Variants in KYAT1 observed in about 807,000 individuals in gnomAD.
KYAT1 encodes kynurenine aminotransferase 1, also known as kynurenine--oxoglutarate transaminase 1.
Under a neutral mutation model 52.4 loss-of-function variants are expected in KYAT1, and 47 were observed. The ratio of observed to expected loss-of-function variants is 0.90; its 90% CI spans 0.71 to 1.14. KYAT1 has a LOEUF of 1.14. KYAT1 is among the 50% of genes most tolerant of loss of function. The pLI is 0.00. For missense variants in KYAT1, 480 were observed against 557.9 expected (o/e 0.86, Z 1.41); for synonymous variants, 212 against 209.6 (o/e 1.01, Z -0.10).
chr9:128,844,598 G>A (rs192200510), intron 2 of KYAT1, among the ~76,000 whole-genome samples: 4 of 152,240 alleles, frequency 2.6e-5, no homozygotes, highest in African/African-American at 9.6e-5. Context: ...GCTGAGGCAG[G>A]AGAATTGCTT....
At chr9:128,874,604 C>G (rs1377204920) in intron 1 of KYAT1, among the ~76,000 whole-genome samples, 1 of 151,930 alleles carries the variant, frequency 6.6e-6, no homozygotes, top group Non-Finnish European at 1.5e-5. Context: ...AGCCACTGCA[C>G]CTGACATCTT....
At chr9:128,865,324 TATATATATA>T (rs1836081392) in intron 1 of KYAT1, among the ~76,000 whole-genome samples, 2 of 16,454 alleles carry the variant, frequency 1.2e-4, no homozygotes, top group Non-Finnish European at 1.6e-4. Context: ...TATATATATA[TATATATATA>T]TATATATATA....
intron 1 of KYAT1, among the ~76,000 whole-genome samples, chr9:128,869,279 A>T (rs1421161958): frequency 6.6e-6 from 1 of 151,976 alleles, no homozygotes. Context: ...CTCCTGCCTC[A>T]GCCTCCTGCA....
chr9:128,835,291 A>T, intron 11 of KYAT1, 32 bp downstream of exon 11: 1 of 1,589,412 alleles, frequency 6.3e-7, no homozygotes, highest in Non-Finnish European at 8.6e-7. Flanking sequence ...CTGTGAAACC[A>T]TACATGGCTG....
intron 2 of KYAT1, among the ~76,000 whole-genome samples, chr9:128,844,254 C>G (rs766869699): frequency 1.3e-5 from 2 of 152,124 alleles, no homozygotes; most frequent in Admixed American, 6.6e-5. Flanking sequence ...TAAAATGTGT[C>G]ATTTTTGGCT....
At position 128,865,338 on chromosome 9, in the gene KYAT1, TATATATATATATATATATA is replaced by T. The variant is rs1836151111; in HGVS notation, c.-7+16540_-7+16558del. ...ATATATATATATATATATATATATA[TATATATATATATATATATA>T]TATTTTTTTTTTTTTTTTTTTTGAG... is the stretch of plus-strand genomic sequence containing the variant. On this transcript the variant is annotated intron_variant, in intron 1 of 12. Coordinates refer to ENST00000302586, the MANE Select transcript of KYAT1 (RefSeq NM_004059.5). Among the ~76,000 whole-genome samples, 5 of 2,168 alleles carry T rather than the reference TATATATATATATATATATA, an allele frequency of 2.3e-3. 1 individual carries two copies. The highest frequency in any genetic ancestry group is 3.7e-3 in the African/African-American group (4 of 1,086). 1.4% of individuals were successfully genotyped at this position (2,168 alleles called of 152,430 possible).
intron 10 of KYAT1, 29 bp downstream of exon 10, chr9:128,835,452 C>T: frequency 6.2e-7 from 1 of 1,613,834 alleles, no homozygotes; most frequent in Non-Finnish European, 8.5e-7. Context: ...AGCCCCTGCG[C>T]CCTGCCCAGA....
At chr9:128,858,395 T>TAAAGAAAA (rs1554812485) in intron 1 of KYAT1, among the ~76,000 whole-genome samples, 8 of 65,102 alleles carry the variant, frequency 1.2e-4, no homozygotes, top group African/African-American at 6.7e-4. Context: ...AGACCATGTA[T>TAAAGAAAA]AAAAAAAAAA....
chr9:128,855,566 G>GT (rs1298010541), intron 1 of KYAT1, among the ~76,000 whole-genome samples: 1 of 152,226 alleles, frequency 6.6e-6, no homozygotes, highest in Admixed American at 6.5e-5. Context: ...TTATATGCTA[G>GT]TTGTAGGAAA....
At chr9:128,855,253 C>T (rs945435141) in intron 1 of KYAT1, among the ~76,000 whole-genome samples, 5 of 152,214 alleles carry the variant, frequency 3.3e-5, no homozygotes, top group Non-Finnish European at 7.3e-5. Flanking sequence ...CCCCATCTGT[C>T]TGGCCCACTA....
chr9:128,853,923 T>C (rs565242253), intron 1 of KYAT1, among the ~76,000 whole-genome samples: 552 of 152,322 alleles, frequency 3.6e-3, no homozygotes, highest in Non-Finnish European at 6.9e-3. Context: ...ATTTGGAAAA[T>C]TGTCATTTGT....
At chr9:128,875,496 C>A (rs976038425) in intron 1 of KYAT1, among the ~76,000 whole-genome samples, 7 of 151,878 alleles carry the variant, frequency 4.6e-5, no homozygotes, top group Admixed American at 4.6e-4. Flanking sequence ...ACCTGTAGTC[C>A]CAGCTACTCG....
intron 1 of KYAT1, among the ~76,000 whole-genome samples, chr9:128,864,485 T>C (rs968438518): frequency 6.6e-6 from 1 of 152,130 alleles, no homozygotes; most frequent in Non-Finnish European, 1.5e-5. Flanking sequence ...TTTCATCTTG[T>C]AAAACTGACA....
At chr9:128,856,205 A>G (rs1005045041) in intron 1 of KYAT1, among the ~76,000 whole-genome samples, 1 of 152,206 alleles carries the variant, frequency 6.6e-6, no homozygotes, top group Non-Finnish European at 1.5e-5. Context: ...AGGCATCAAA[A>G]GCCCAGTTCA....
chr9:128,835,744 C>T (rs757547653), intron 9 of KYAT1, 35 bp downstream of exon 9: 5 of 1,604,308 alleles, frequency 3.1e-6, no homozygotes, highest in Non-Finnish European at 4.3e-6. Flanking sequence ...TTTTGTTGTC[C>T]CCCCACTCCC....
intron 4 of KYAT1, 22 bp downstream of exon 4, chr9:128,838,196 A>G: frequency 6.2e-7 from 1 of 1,614,168 alleles, no homozygotes; most frequent in Non-Finnish European, 8.5e-7. Flanking sequence ...AGTCCCACTC[A>G]GCCCAAGTCT....
At chr9:128,858,115 G>C (rs908159608) in intron 1 of KYAT1, among the ~76,000 whole-genome samples, 1 of 152,118 alleles carries the variant, frequency 6.6e-6, no homozygotes, top group African/African-American at 2.4e-5. Flanking sequence ...AAACAGCCAA[G>C]GCTGGGCACG....
chr9:128,843,258 T>G (rs1832523409), intron 2 of KYAT1, among the ~76,000 whole-genome samples: 1 of 152,164 alleles, frequency 6.6e-6, no homozygotes, highest in Admixed American at 6.5e-5. Flanking sequence ...GGCCTGAAGA[T>G]CTGCCTAAGT....
upstream of KYAT1, chr9:128,882,028 G>A (rs1923619): frequency 6.6e-6 from 1 of 152,234 alleles, no homozygotes; most frequent in Non-Finnish European, 1.5e-5. Context: ...GCGCGGAGGC[G>A]AGAGCGGGAG....
Sources: gnomAD v4.1 joint callset for allele counts (sites outside exome capture counted in the v4.1 genomes callset) on GRCh38, gnomAD v4.1.1 for gene constraint, MANE v1.5 for transcripts, NCBI Gene and HGNC (gene_info 2026-07-23, HGNC 2026-07-21) for gene names.